Variants in TCF20 observed in about 807,000 individuals in gnomAD.
TCF20 encodes transcription factor 20, also known as SPRE-binding protein.
Under a neutral mutation model 148.6 loss-of-function variants are expected in TCF20, and 3 were observed. That is an observed-to-expected ratio of 0.02 (90% confidence interval 0.01 to 0.05). The LOEUF is 0.05. Among genes scored for constraint, TCF20 ranks in the 10% least tolerant of loss-of-function variants. TCF20 has a pLI of 1.00. For missense variants in TCF20, 2,350 were observed against 2,429.3 expected (o/e 0.97, Z 0.69); for synonymous variants, 1,049 against 909.5 (o/e 1.15, Z -2.76).
intron 1 of TCF20, among the ~76,000 whole-genome samples, chr22:42,275,990 C>T (rs75186532): frequency 0.023 from 3,461 of 152,290 alleles, 156 homozygotes; most frequent in African/African-American, 0.078. Context: ...CTGAATCTGA[C>T]AGGCTACAGG....
At chr22:42,199,807 A>G (rs1937870652) in intron 2 of TCF20, among the ~76,000 whole-genome samples, 1 of 147,562 alleles carries the variant, frequency 6.8e-6, no homozygotes. Flanking sequence ...CTGGGATCGC[A>G]CCACTGCACT....
Position 42,235,433 on chromosome 22 carries a change from A to G in TCF20, c.-36-20092T>C, listed in dbSNP as rs76690504. 6.6e-3 allele frequency among the ~76,000 whole-genome samples: 1,006 copies of G among 152,344 alleles called. 12 individuals carry two copies. The highest frequency in any genetic ancestry group is 0.023 in the African/African-American group (949 of 41,588). On this transcript the variant is annotated intron_variant, in intron 1 of 5. Coordinates refer to ENST00000677622, the MANE Select transcript of TCF20 (RefSeq NM_001378418.1). ...TGCACACCATCTCTCTCCTGAAGTG[A>G]CAGAAAGAACATTGAGTAGTACTAT...
At chr22:42,249,543 A>G (rs1339544238) in intron 1 of TCF20, among the ~76,000 whole-genome samples, 2 of 152,236 alleles carry the variant, frequency 1.3e-5, no homozygotes, top group Non-Finnish European at 2.9e-5. Flanking sequence ...GGCGAAAGAT[A>G]AAAGTTTAAA....
chr22:42,250,319 G>C (rs978352575), intron 1 of TCF20, among the ~76,000 whole-genome samples: 1 of 151,848 alleles, frequency 6.6e-6, no homozygotes, highest in African/African-American at 2.4e-5. Flanking sequence ...GTGGCGGGGC[G>C]CCTGTAATCC....
chr22:42,236,477 G>A (rs1923897744), intron 1 of TCF20, among the ~76,000 whole-genome samples: 2 of 152,100 alleles, frequency 1.3e-5, no homozygotes, highest in Admixed American at 1.3e-4. Flanking sequence ...AGAACTACAA[G>A]CCACAGGACC....
intron 1 of TCF20, among the ~76,000 whole-genome samples, chr22:42,322,857 G>A (rs1927760224): frequency 6.6e-6 from 1 of 150,730 alleles, no homozygotes; most frequent in South Asian, 2.1e-4. Flanking sequence ...CCCAGGCTCA[G>A]ATCTGGATCA....
At chr22:42,260,839 A>G (rs1330732345) in intron 1 of TCF20, among the ~76,000 whole-genome samples, 2 of 152,184 alleles carry the variant, frequency 1.3e-5, no homozygotes, top group African/African-American at 4.8e-5. Context: ...TTAGATGTTG[A>G]GAGTGAGGGG....
At chr22:42,180,171 G>C (rs1421406491) in intron 2 of TCF20, among the ~76,000 whole-genome samples, 1 of 152,004 alleles carries the variant, frequency 6.6e-6, no homozygotes, top group East Asian at 1.9e-4. Flanking sequence ...AGTGGAATTT[G>C]GTTTCTAGTT....
At chr22:42,316,477 A>T (rs1296182465) in intron 1 of TCF20, among the ~76,000 whole-genome samples, 1 of 152,136 alleles carries the variant, frequency 6.6e-6, no homozygotes, top group Admixed American at 6.5e-5. Flanking sequence ...AATCTGTCAG[A>T]GCCTGGAGGG....
Position 42,199,706 on chromosome 22 carries a change from C to CAAAAA in TCF20, c.5655+9940_5655+9944dup, listed in dbSNP as rs59845847. Among the ~76,000 whole-genome samples, 329 of 33,816 alleles carry CAAAAA rather than the reference C, an allele frequency of 9.7e-3. 36 individuals carry two copies. The highest frequency in any genetic ancestry group is 0.013 in the Non-Finnish European group (225 of 17,406). The allele number at this position is 33,816 out of a possible 152,430, so 22.2% of individuals were successfully genotyped here. The stretch of plus-strand genomic sequence containing the variant: ...CTAACATGGCAAAACCCCATCTCTA[C>CAAAAA]AAAAAAAAAAAAAAAAAAAAAAAAA... On this transcript the variant is annotated intron_variant, in intron 2 of 5. Transcript: ENST00000677622.
chr22:42,213,407 T>A lies in TCF20; in HGVS notation c.1899A>T (p.Ala633=). 6.2e-7 allele frequency: 1 copy of A among 1,614,204 alleles called. No individual in the cohort carries two copies. The highest frequency in any genetic ancestry group is 8.5e-7 in the Non-Finnish European group (1 of 1,180,026). ...QDKGSQEDDP[A]ATQRPPSNGG... ...CATTGCTAGGTGGCCTTTGAGTGGC[T>A]GCAGGATCATCCTCTTGGGAGCCTT... is the stretch of plus-strand genomic sequence containing the variant. Residue 633 remains alanine, a synonymous_variant, in exon 2 of 6, where the codon GCA becomes GCT. Coordinates refer to ENST00000677622, the MANE Select transcript of TCF20 (RefSeq NM_001378418.1).
rs1201136994 is a variant in TCF20 at position 42,270,590 on chromosome 22, A to T, written c.-288T>A. On this transcript the variant is annotated 5_prime_UTR_variant, in exon 1 of 6. Coordinates refer to ENST00000677622, the MANE Select transcript of TCF20 (RefSeq NM_001378418.1). The stretch of plus-strand genomic sequence containing the variant: ...CTGGCGGAGGCCGCGGCCGCCTCGC[A>T]GGGGCCGAAAGCGGCTGGGCTCGGG... 6.9e-6 allele frequency among the ~76,000 whole-genome samples: 1 copy of T among 144,318 alleles called. No homozygotes were observed. The highest frequency in any genetic ancestry group is 1.5e-5 in the Non-Finnish European group (1 of 65,296). The allele number at this position is 144,318 out of a possible 152,430, so 94.7% of individuals were successfully genotyped here. A position where few individuals can be genotyped will look rare whatever the true frequency, so the allele number is the denominator to read the frequency against.
At chr22:42,303,871 G>A (rs757431273) in intron 1 of TCF20, among the ~76,000 whole-genome samples, 45 of 151,700 alleles carry the variant, frequency 3.0e-4, no homozygotes, top group Admixed American at 9.9e-4. Context: ...TGGAGAGGAG[G>A]GGAGCGGGGA....
At chr22:42,188,372 T>C (rs955697286) in intron 2 of TCF20, among the ~76,000 whole-genome samples, 2 of 147,010 alleles carry the variant, frequency 1.4e-5, no homozygotes, top group Admixed American at 7.0e-5. Flanking sequence ...TCTGCAATAA[T>C]GTGAAGGTAA....
rs1273187198 is a variant in TCF20, at chr22:42,317,333, T to C, written c.-37+26146A>G. 6.6e-6 allele frequency among the ~76,000 whole-genome samples: 1 copy of C among 152,200 alleles called. No homozygotes were observed. The highest frequency in any genetic ancestry group is 1.9e-4 in the East Asian group (1 of 5,194). On this transcript the variant is annotated intron_variant, in intron 1 of 1. Transcript: ENST00000515426. The surrounding 1 kb of genome is among the most constrained non-coding windows in gnomAD (Gnocchi z 4.2). ...CAATATTTCACCTCGCCCAGAAATT[T>C]ACTGCAAGTTCTCAAGTCTCCCTAG...
chr22:42,213,230 A>T lies in TCF20; in HGVS notation c.2076T>A (p.Phe692Leu). Residue 692 changes from phenylalanine to leucine, a missense_variant, in exon 2 of 6, where the codon TTT becomes TTA. Phe to Leu is a conservative substitution (Grantham distance 22). Coordinates refer to ENST00000677622, the MANE Select transcript of TCF20 (RefSeq NM_001378418.1). ...QSGHSAAGPG[F>L]TSRTEPSKSP... ...ATTTGCTAGGCTCAGTTCTGCTCGT[A>T]AAACCAGGGCCCGCTGCAGAGTGGC... The T allele has an allele frequency of 3.1e-6, 5 of 1,614,142 alleles. No individual in the cohort carries two copies. Among genetic ancestry groups the T allele is most frequent in the African/African-American group, 1.3e-5 (1 of 75,026 alleles).
chr22:42,274,202 C>G (rs1371739387), upstream of TCF20: 1 of 152,738 alleles, frequency 6.5e-6, no homozygotes, highest in Non-Finnish European at 1.5e-5. Flanking sequence ...CTTACAAAAG[C>G]CTCTGGCTAA....
At chr22:42,198,590 A>G (rs1252334724) in intron 2 of TCF20, among the ~76,000 whole-genome samples, 3 of 152,110 alleles carry the variant, frequency 2.0e-5, no homozygotes, top group Non-Finnish European at 1.5e-5. Context: ...CAAAGTTGTT[A>G]TACTTTCTCA....
At chr22:42,162,753 C>T (rs1406399662) in intron 5 of TCF20, among the ~76,000 whole-genome samples, 1 of 152,206 alleles carries the variant, frequency 6.6e-6, no homozygotes, top group African/African-American at 2.4e-5. Flanking sequence ...GTCACCAGCC[C>T]TTTCTGCTTC....
Sources: gnomAD v4.1 joint callset for allele counts (sites outside exome capture counted in the v4.1 genomes callset) on GRCh38, gnomAD v4.1.1 for gene constraint, Gnocchi (gnomAD v3.1) non-coding constraint, MANE v1.5 for transcripts, NCBI Gene and HGNC (gene_info 2026-07-23, HGNC 2026-07-21) for gene names.